PRMT8: variants seen among roughly 807,000 people sequenced by gnomAD.
PRMT8 encodes the protein protein arginine methyltransferase 8, also known as protein arginine N-methyltransferase 8.
PRMT8 carries 7 observed loss-of-function variants against 47.1 expected under a neutral mutation model. That is an observed-to-expected ratio of 0.15 (90% CI 0.08 to 0.28). PRMT8 has a LOEUF of 0.28. PRMT8 is among the 10% of genes least tolerant of loss of function. The pLI is 1.00. For synonymous variants in PRMT8, 188 were observed against 186.5 expected, an observed-to-expected ratio of 1.01 and a Z score of -0.07; for missense variants, 237 against 505.4, an observed-to-expected ratio of 0.47 and a Z score of 5.09.
At chr12:3,578,037 T>C (rs1565447691) in intron 7 of PRMT8, among the ~76,000 whole-genome samples, 1 of 152,236 alleles carries the variant, frequency 6.6e-6, no homozygotes, top group Non-Finnish European at 1.5e-5. Flanking sequence ...TATGCTAATA[T>C]ATTATGTTGA....
At chr12:3,561,704 C>T (rs1239511589) in intron 4 of PRMT8, among the ~76,000 whole-genome samples, 3 of 152,164 alleles carry the variant, frequency 2.0e-5, no homozygotes, top group South Asian at 2.1e-4. Flanking sequence ...GCCTTGTAAA[C>T]GTCCTTGTTG....
rs1351329359 is a variant in PRMT8 at position 3,583,336 on chromosome 12, C to A, written c.979+128C>A. ...GTGTTAGCTGGGTGACACCTATCAA[C>A]CCTCTCCAGCCATGGAGGAACCATG... On this transcript the variant is annotated intron_variant, in intron 8 of 9. Coordinates refer to ENST00000382622, the MANE Select transcript of PRMT8 (RefSeq NM_019854.5). The surrounding 1 kb of genome is among the most constrained non-coding windows in gnomAD (Gnocchi z 4.7). The A allele has an allele frequency of 2.0e-5, 20 of 1,014,682 alleles. 1 individual carries two copies. Among genetic ancestry groups the A allele is most frequent in the African/African-American group, 1.6e-5 (1 of 61,228 alleles). 62.9% of individuals were successfully genotyped at this position (1,014,682 alleles called of 1,614,324 possible).
At chr12:3,450,435 C>G (rs1864903842) in intron 1 of PRMT8, among the ~76,000 whole-genome samples, 1 of 152,182 alleles carries the variant, frequency 6.6e-6, no homozygotes, top group Admixed American at 6.5e-5. Context: ...TTTCTAAGTA[C>G]TGAAAAGCTC....
intron 1 of PRMT8, among the ~76,000 whole-genome samples, chr12:3,386,803 G>A (rs1272809015): frequency 1.3e-5 from 2 of 151,536 alleles, no homozygotes; most frequent in South Asian, 2.1e-4. Context: ...TCTGTCTCCC[G>A]GGTTCAAACG....
chr12:3,432,234 T>G (rs1387225799), intron 1 of PRMT8, among the ~76,000 whole-genome samples: 1 of 152,180 alleles, frequency 6.6e-6, no homozygotes, highest in African/African-American at 2.4e-5. Flanking sequence ...CAGGCCTCAC[T>G]GCAAGATGGA....
upstream of PRMT8, among the ~76,000 whole-genome samples, chr12:3,487,149 ATGAGGT>A (rs2137105857): frequency 1.3e-5 from 2 of 152,278 alleles, no homozygotes; most frequent in South Asian, 4.1e-4. Flanking sequence ...GGTAGCTGCC[ATGAGGT>A]GGTGATGGAT....
intron 1 of PRMT8, among the ~76,000 whole-genome samples, chr12:3,534,086 AG>A (rs1201580935): frequency 1.3e-5 from 2 of 152,240 alleles, no homozygotes; most frequent in Non-Finnish European, 2.9e-5. Flanking sequence ...GAGTGGGGTG[AG>A]GCCCAGGCTG....
rs746216806 is a variant in PRMT8, at chr12:3,576,227, G to T, written c.713-644G>T. Among the ~76,000 whole-genome samples, 7 of 152,176 alleles carry T rather than the reference G, an allele frequency of 4.6e-5. No homozygotes were observed. The highest frequency in any genetic ancestry group is 1.0e-4 in the Non-Finnish European group (7 of 68,034). On this transcript the variant is annotated intron_variant, in intron 6 of 9. Transcript: ENST00000382622. The surrounding 1 kb of genome is among the most constrained non-coding windows in gnomAD (Gnocchi z 4.0). Reference sequence around the variant, plus strand: ...GTGGATCCTTAGTGAGTGCATCTTGGCATACAAGGAAGGCAGAGATGCTCC... The same window carrying T: ...GTGGATCCTTAGTGAGTGCATCTTGTCATACAAGGAAGGCAGAGATGCTCC...
chr12:3,427,472 T>G (rs1445581512), intron 1 of PRMT8, among the ~76,000 whole-genome samples: 1 of 152,178 alleles, frequency 6.6e-6, no homozygotes, highest in Non-Finnish European at 1.5e-5. Flanking sequence ...TAAAACTTGC[T>G]TAAACCTTCA....
intron 1 of PRMT8, among the ~76,000 whole-genome samples, chr12:3,385,917 GTCCATCCA>G (rs35259475): frequency 6.6e-6 from 1 of 151,122 alleles, no homozygotes; most frequent in South Asian, 2.1e-4. Flanking sequence ...TTGTTCATCC[GTCCATCCA>G]TCCATCCATC....
chr12:3,522,648 TAAAA>T (rs57112104), intron 1 of PRMT8, among the ~76,000 whole-genome samples: 1 of 131,028 alleles, frequency 7.6e-6, no homozygotes. Context: ...GAGACTCCAT[TAAAA>T]AAAAAAAAAA....
intron 1 of PRMT8, among the ~76,000 whole-genome samples, chr12:3,468,309 A>C (rs7975616): frequency 0.02 from 3,082 of 152,308 alleles, 112 homozygotes; most frequent in African/African-American, 0.07. Context: ...AAGAGGCAGC[A>C]GCCATTCCCA....
intron 1 of PRMT8, among the ~76,000 whole-genome samples, chr12:3,510,131 G>A (rs1046982696): frequency 3.3e-5 from 5 of 152,164 alleles, no homozygotes; most frequent in African/African-American, 1.2e-4. Flanking sequence ...AGTGGGGGAT[G>A]TTCTCAGACC....
At chr12:3,506,584 G>A (rs940569546) in intron 1 of PRMT8, among the ~76,000 whole-genome samples, 3 of 152,124 alleles carry the variant, frequency 2.0e-5, no homozygotes, top group African/African-American at 7.2e-5. Context: ...GCTGCCTACC[G>A]CACTCCAGGC....
intron 4 of PRMT8, among the ~76,000 whole-genome samples, chr12:3,553,944 T>C (rs535234391): frequency 1.1e-4 from 16 of 152,194 alleles, no homozygotes; most frequent in Non-Finnish European, 2.2e-4. Context: ...CAAGCCCTGC[T>C]TGTAGCTAAA....
chr12:3,492,754 G>T lies in PRMT8; in HGVS notation c.75+1054G>T, dbSNP rs1253423371. On this transcript the variant is annotated intron_variant, in intron 1 of 9. Transcript: ENST00000382622. The surrounding 1 kb of genome is among the most constrained non-coding windows in gnomAD (Gnocchi z 7.5). ...TACCTTCCTGGAGAAACGGTGCGCC[G>T]AGATGGGGGCGGAGTGGGGCATGTG... 6.6e-6 allele frequency among the ~76,000 whole-genome samples: 1 copy of T among 152,182 alleles called. No homozygotes were observed. The highest frequency in any genetic ancestry group is 1.5e-5 in the Non-Finnish European group (1 of 68,024).
In PRMT8 at chr12:3,553,217, C is replaced by T. The variant is rs148597567; in HGVS notation, c.418-434C>T. 5.4e-3 allele frequency: 1,184 copies of T among 218,870 alleles called. 8 individuals are homozygous for T. Among genetic ancestry groups the T allele is most frequent in the Admixed American group, 0.017 (327 of 18,982 alleles). The allele number at this position is 218,870 out of a possible 1,614,324, so 13.6% of individuals were successfully genotyped here. On this transcript the variant is annotated intron_variant, in intron 3 of 9. Coordinates refer to ENST00000382622, the MANE Select transcript of PRMT8 (RefSeq NM_019854.5). ...TTCCAGATGGTCCCATCCTGGCACG[C>T]GGCTCGTTTACCCTGGAAGGGCTGG...
chr12:3,490,675 A>AAGAGAG (rs370069857), upstream of PRMT8, among the ~76,000 whole-genome samples: 1,715 of 121,052 alleles, frequency 0.014, 33 homozygotes, highest in South Asian at 0.02. Context: ...TTTGGGTACA[A>AAGAGAG]AGAGAGAGAG....
intron 1 of PRMT8, among the ~76,000 whole-genome samples, chr12:3,517,738 C>A (rs1865817701): frequency 6.6e-6 from 1 of 151,938 alleles, no homozygotes; most frequent in East Asian, 1.9e-4. Context: ...AAAGAGGGAA[C>A]TTAAAAACCC....
Sources: gnomAD v4.1 joint callset for allele counts (sites outside exome capture counted in the v4.1 genomes callset) on GRCh38, gnomAD v4.1.1 for gene constraint, Gnocchi (gnomAD v3.1) non-coding constraint, MANE v1.5 for transcripts, NCBI Gene and HGNC (gene_info 2026-07-23, HGNC 2026-07-21) for gene names.